Variants in AUTS2 observed in about 807,000 individuals in gnomAD.
AUTS2 encodes the protein autism susceptibility gene 2 protein.
Under a neutral mutation model 112.4 loss-of-function variants are expected in AUTS2, and 17 were observed. That is an observed-to-expected ratio of 0.15 (90% CI 0.10 to 0.23). The LOEUF (loss-of-function observed/expected upper bound fraction) is 0.23, where lower values mean the gene tolerates loss of function less well. Among genes scored for constraint, AUTS2 ranks in the 10% least tolerant of loss-of-function variants. The pLI, the probability that AUTS2 is intolerant of heterozygous loss-of-function variation, is 1.00. For missense variants in AUTS2, 1,510 were observed against 1,701.6 expected (o/e 0.89, Z 1.98); for synonymous variants, 751 against 702.7 (o/e 1.07, Z -1.09).
At chr7:70,679,824 T>A (rs1439108148) in intron 5 of AUTS2, among the ~76,000 whole-genome samples, 1 of 152,184 alleles carries the variant, frequency 6.6e-6, no homozygotes, top group Non-Finnish European at 1.5e-5. Flanking sequence ...GGGGAAGGCA[T>A]GTGTATTTTG....
At chr7:70,640,621 CAG>C (rs2129540126) in intron 5 of AUTS2, among the ~76,000 whole-genome samples, 1 of 151,782 alleles carries the variant, frequency 6.6e-6, no homozygotes, top group Admixed American at 6.6e-5. Context: ...AACTGAGACA[CAG>C]GGGCTTTCAT....
At chr7:70,530,700 C>G (rs933882664) in intron 5 of AUTS2, among the ~76,000 whole-genome samples, 1 of 152,038 alleles carries the variant, frequency 6.6e-6, no homozygotes, top group Non-Finnish European at 1.5e-5. Context: ...TTCTCTTTAC[C>G]ACTAGCAAAA....
chr7:70,567,221 C>T (rs1046857843), intron 5 of AUTS2, among the ~76,000 whole-genome samples: 5 of 152,226 alleles, frequency 3.3e-5, no homozygotes, highest in African/African-American at 1.2e-4. Context: ...AGAGAAATGT[C>T]TCCAGTGACC....
chr7:69,766,166 TTACTC>T (rs1374113343), intron 1 of AUTS2, among the ~76,000 whole-genome samples: 1 of 152,228 alleles, frequency 6.6e-6, no homozygotes, highest in Non-Finnish European at 1.5e-5. Context: ...ATGAATTTGA[TTACTC>T]TAAGTATCTC....
intron 5 of AUTS2, among the ~76,000 whole-genome samples, chr7:70,636,686 TCCCAGG>T: frequency 6.6e-6 from 1 of 150,692 alleles, no homozygotes; most frequent in South Asian, 2.1e-4. Context: ...TCACTCTGTC[TCCCAGG>T]CTGGAGTGCA....
chr7:70,595,875 G>A (rs1803171104), intron 5 of AUTS2, among the ~76,000 whole-genome samples: 1 of 152,190 alleles, frequency 6.6e-6, no homozygotes. Flanking sequence ...CCTTTCACAC[G>A]GTACTGAGCC....
At chr7:70,069,716 T>G (rs937926780) in intron 2 of AUTS2, among the ~76,000 whole-genome samples, 8 of 151,484 alleles carry the variant, frequency 5.3e-5, no homozygotes, top group Non-Finnish European at 7.4e-5. Context: ...TTGTTTTTTT[T>G]TTTTTCCTGT....
In AUTS2 at chr7:69,850,160, G is replaced by A. The variant is rs1311761957; in HGVS notation, c.310-49126G>A. Among the ~76,000 whole-genome samples the A allele has an allele frequency of 4.6e-5, 7 of 151,452 alleles. No homozygotes were observed. In the South Asian group the frequency reaches 6.3e-4, roughly 14 times the overall value. On this transcript the variant is annotated intron_variant, in intron 1 of 18. Transcript: ENST00000342771. ...AAATACAAAAATAAATTAGCCGGGC[G>A]TAGTGGCATGCGCCTGTAGTCCCAG...
At chr7:70,387,966 A>T (rs1793688832) in intron 4 of AUTS2, among the ~76,000 whole-genome samples, 1 of 152,312 alleles carries the variant, frequency 6.6e-6, no homozygotes, top group African/African-American at 2.4e-5. Flanking sequence ...TAAACGCCTT[A>T]TCCTAAATTA....
chr7:70,013,089 G>A (rs1799877721), intron 2 of AUTS2, among the ~76,000 whole-genome samples: 1 of 152,162 alleles, frequency 6.6e-6, no homozygotes, highest in Non-Finnish European at 1.5e-5. Context: ...TGTAAAGTTT[G>A]GTGCAGCAAG....
chr7:69,900,243 A>G (rs957188880), intron 2 of AUTS2, among the ~76,000 whole-genome samples: 17 of 152,258 alleles, frequency 1.1e-4, no homozygotes, highest in African/African-American at 4.1e-4. Flanking sequence ...CAGAGGCTTC[A>G]GTGCCTGTCA....
chr7:70,060,733 C>A (rs1802206660), intron 2 of AUTS2, among the ~76,000 whole-genome samples: 1 of 152,198 alleles, frequency 6.6e-6, no homozygotes, highest in Non-Finnish European at 1.5e-5. Context: ...GTCTTTGACT[C>A]TATACTCTGA....
intron 5 of AUTS2, among the ~76,000 whole-genome samples, chr7:70,641,742 A>G (rs1055024628): frequency 2.6e-5 from 4 of 152,162 alleles, no homozygotes; most frequent in African/African-American, 7.2e-5. Flanking sequence ...TGTGCCTGAT[A>G]TGTAACCTTG....
intron 18 of AUTS2, among the ~76,000 whole-genome samples, chr7:70,788,836 A>G (rs1399778192): frequency 1.3e-5 from 2 of 152,286 alleles, no homozygotes; most frequent in East Asian, 1.9e-4. Context: ...CAACTTTGCC[A>G]TATCTGTCTT....
intron 2 of AUTS2, among the ~76,000 whole-genome samples, chr7:69,918,986 T>G (rs749279901): frequency 3.3e-5 from 5 of 152,192 alleles, no homozygotes. Flanking sequence ...GAAAGGCTAC[T>G]CTTGGGGGTA....
intron 6 of AUTS2, among the ~76,000 whole-genome samples, chr7:70,700,644 G>A (rs992594664): frequency 6.6e-6 from 1 of 152,190 alleles, no homozygotes; most frequent in Admixed American, 6.5e-5. Flanking sequence ...GTTTTGTTAA[G>A]GGGATTAGTA....
At chr7:70,580,198 AACC>A (rs1252825257) in intron 5 of AUTS2, among the ~76,000 whole-genome samples, 4 of 152,178 alleles carry the variant, frequency 2.6e-5, no homozygotes, top group Non-Finnish European at 5.9e-5. Flanking sequence ...TCACTCTTGC[AACC>A]CTGAAACAGT....
chr7:70,130,406 G>A (rs768592494), intron 3 of AUTS2, among the ~76,000 whole-genome samples: 2 of 152,092 alleles, frequency 1.3e-5, no homozygotes, highest in South Asian at 2.1e-4. Context: ...GAGTAGCTTC[G>A]ATGATAGCTT....
At chr7:70,651,104 G>A (rs1192429807) in intron 5 of AUTS2, among the ~76,000 whole-genome samples, 1 of 152,186 alleles carries the variant, frequency 6.6e-6, no homozygotes, top group African/African-American at 2.4e-5. Flanking sequence ...TTGAGATAAA[G>A]TTCTAAGCAC....
Sources: gnomAD v4.1 joint callset for allele counts (sites outside exome capture counted in the v4.1 genomes callset) on GRCh38, gnomAD v4.1.1 for gene constraint, MANE v1.5 for transcripts, NCBI Gene and HGNC (gene_info 2026-07-23, HGNC 2026-07-21) for gene names.